Variants in CASK observed in about 807,000 individuals in gnomAD.
CASK encodes calcium/calmodulin dependent serine protein kinase, also known as peripheral plasma membrane protein CASK.
Under a neutral mutation model 82.9 loss-of-function variants are expected in CASK, and 4 were observed. The observed-to-expected ratio is 0.05, with a 90% confidence interval of 0.02 to 0.11. The LOEUF (loss-of-function observed/expected upper bound fraction) is 0.11. CASK is among the 10% of genes least tolerant of loss of function. The pLI is 1.00. For missense variants in CASK, 358 were observed against 720.9 expected (o/e 0.50, Z 5.76); for synonymous variants, 259 against 253.5 (o/e 1.02, Z -0.20).
rs72190097 is a variant in CASK, at chrX:41,869,812, C to CAAAAAAAAAAAAAAAA, written c.60-16601_60-16586dup. On this transcript the variant is annotated intron_variant, in intron 1 of 26. Transcript: ENST00000378163. Reference sequence around the variant, plus strand: ...TGGGTGATGAAGTAAGACTCTGTCTCAAAAAAAAAAAAAAAAAAAAAAAAG... The same window carrying CAAAAAAAAAAAAAAAA: ...TGGGTGATGAAGTAAGACTCTGTCTCAAAAAAAAAAAAAAAAAAAAAAAAAAAAAAAAAAAAAAAAG... Among the ~76,000 whole-genome samples the CAAAAAAAAAAAAAAAA allele has an allele frequency of 2.2e-3, 27 of 12,112 alleles. 4 individuals carry two copies. The highest frequency in any genetic ancestry group is 6.8e-3 in the African/African-American group (16 of 2,345). The allele number at this position is 12,112 out of a possible 115,157, so 10.5% of individuals were successfully genotyped here. A position where few individuals can be genotyped will look rare whatever the true frequency, so the allele number is the denominator to read the frequency against.
At chrX:41,902,992 G>C (rs2072409843) in intron 1 of CASK, among the ~76,000 whole-genome samples, 2 of 112,083 alleles carry the variant, frequency 1.8e-5, no homozygotes, top group Non-Finnish European at 3.8e-5. Context: ...ATGGAAAGGA[G>C]ATAATGTATA....
intron 5 of CASK, chrX:41,676,216 G>C: frequency 2.5e-6 from 3 of 1,187,090 alleles, no homozygotes; most frequent in Non-Finnish European, 3.4e-6. Context: ...CATCATTGCA[G>C]ATATCTCTTA....
intron 8 of CASK, among the ~76,000 whole-genome samples, chrX:41,647,469 T>C (rs755370264): frequency 8.9e-5 from 10 of 112,111 alleles, no homozygotes; most frequent in Middle Eastern, 4.6e-3. Flanking sequence ...ATTAAGCCTA[T>C]TGGGGGCTCC....
chrX:41,903,665 C>A (rs768872603), intron 1 of CASK, among the ~76,000 whole-genome samples: 5 of 111,493 alleles, frequency 4.5e-5, no homozygotes, highest in Non-Finnish European at 7.5e-5. Flanking sequence ...CTGTTCTCCA[C>A]TCCCTGTGTT....
At chrX:41,823,803 T>A (rs1052924403) in intron 2 of CASK, among the ~76,000 whole-genome samples, 3 of 111,487 alleles carry the variant, frequency 2.7e-5, no homozygotes, top group African/African-American at 9.8e-5. Flanking sequence ...TCATTCCTCA[T>A]GACCATTTTT....
At chrX:41,798,568 CTCACGCCT>C (rs2069917037) in intron 2 of CASK, among the ~76,000 whole-genome samples, 1 of 112,747 alleles carries the variant, frequency 8.9e-6, no homozygotes, top group African/African-American at 3.2e-5. Flanking sequence ...GGGGCGGTGG[CTCACGCCT>C]GTAATCCCAG....
chrX:41,754,741 C>A (rs910237619), intron 3 of CASK, among the ~76,000 whole-genome samples: 31 of 111,207 alleles, frequency 2.8e-4, no homozygotes, highest in African/African-American at 9.2e-4. Context: ...CCGACAAATT[C>A]TCAGAAAAAT....
At position 41,552,888 on chromosome X, in the gene CASK, C is replaced by T. The variant is rs764442262; in HGVS notation, c.2039+831G>A. On this transcript the variant is annotated intron_variant, in intron 21 of 26. Transcript: ENST00000378163. ...TTTCTATGGACTCAATGTCTTTGGT[C>T]TCTTTTAGCTGGGTTCAAGTATTTT... 3.6e-5 allele frequency: 4 copies of T among 111,967 alleles called. No individual in the cohort carries two copies. The East Asian group carries it at 1.1e-3, about 31-fold the overall frequency. The allele number at this position is 111,967 out of a possible 1,213,427, so 9.2% of individuals were successfully genotyped here.
chrX:41,572,101 T>TA (rs1212331336), intron 15 of CASK, among the ~76,000 whole-genome samples: 16 of 107,576 alleles, frequency 1.5e-4, no homozygotes, highest in Non-Finnish European at 2.3e-4. Flanking sequence ...TTTTTTTTTT[T>TA]AAGAGATGAA....
intron 2 of CASK, among the ~76,000 whole-genome samples, chrX:41,841,880 C>T (rs2071047125): frequency 8.9e-6 from 1 of 111,770 alleles, no homozygotes; most frequent in Non-Finnish European, 1.9e-5. Flanking sequence ...TATGATGAAT[C>T]CCATTATCTA....
chrX:41,792,604 A>T (rs1478148710), intron 2 of CASK, among the ~76,000 whole-genome samples: 1 of 111,259 alleles, frequency 9.0e-6, no homozygotes, highest in Non-Finnish European at 1.9e-5. Flanking sequence ...AAAGATTTTG[A>T]TCAACACCAT....
chrX:41,902,647 T>C (rs924892775), intron 1 of CASK, among the ~76,000 whole-genome samples: 8 of 112,155 alleles, frequency 7.1e-5, no homozygotes, highest in African/African-American at 2.6e-4. Flanking sequence ...GGCCATGATT[T>C]AGCCTACTAC....
At chrX:41,725,515 C>T (rs1399291126) in intron 5 of CASK, among the ~76,000 whole-genome samples, 1 of 111,137 alleles carries the variant, frequency 9.0e-6, no homozygotes, top group African/African-American at 3.3e-5. Flanking sequence ...ATGTGGTGCT[C>T]AGAAGGCTAT....
Position 41,625,331 on chromosome X carries a change from GC to G in CASK, c.1015+1272del, listed in dbSNP as rs746689684. On this transcript the variant is annotated intron_variant, in intron 10 of 26. Transcript: ENST00000378163. ...CACCCGAGTAGCTGGGACTACAGGT[GC>G]CCACCACCACGCCCGGCTAATTTTT... 1.5e-4 allele frequency among the ~76,000 whole-genome samples: 16 copies of G among 108,748 alleles called. No homozygotes were observed. The South Asian group carries it at 6.1e-3, about 42-fold the overall frequency. 94.4% of individuals were successfully genotyped at this position (108,748 alleles called of 115,157 possible).
At chrX:41,616,851 C>T (rs1405949446) in intron 11 of CASK, among the ~76,000 whole-genome samples, 3 of 111,887 alleles carry the variant, frequency 2.7e-5, no homozygotes, top group Admixed American at 9.5e-5. Flanking sequence ...TCGAGTGATC[C>T]GCCTGCCTAG....
chrX:41,806,569 A>G (rs983687645), intron 2 of CASK, among the ~76,000 whole-genome samples: 1 of 112,462 alleles, frequency 8.9e-6, no homozygotes, highest in African/African-American at 3.2e-5. Context: ...TACCCGTGAC[A>G]GATGACACAC....
intron 1 of CASK, among the ~76,000 whole-genome samples, chrX:41,859,368 T>C (rs1219647606): frequency 9.0e-6 from 1 of 111,645 alleles, no homozygotes; most frequent in African/African-American, 3.3e-5. Flanking sequence ...GCCTACTTGG[T>C]AAAATTCACT....
chrX:41,607,793 A>G (rs1382066907), intron 12 of CASK, among the ~76,000 whole-genome samples: 1 of 111,853 alleles, frequency 8.9e-6, no homozygotes, highest in African/African-American at 3.3e-5. Context: ...GATACAGTAG[A>G]AGATTCCAAG....
intron 10 of CASK, among the ~76,000 whole-genome samples, chrX:41,624,494 A>G (rs1410934971): frequency 4.4e-5 from 5 of 112,580 alleles, no homozygotes; most frequent in African/African-American, 1.6e-4. Context: ...GAGGAACTGT[A>G]TAACTGCTGG....
Sources: allele counts gnomAD v4.1 joint callset (sites outside exome capture counted in the v4.1 genomes callset), GRCh38; gene constraint gnomAD v4.1.1; transcripts MANE v1.5; gene names NCBI Gene and HGNC (gene_info 2026-07-23, HGNC 2026-07-21).